The following HFM1 variants were observed in gnomAD, a reference collection of about 807,000 sequenced individuals.
The protein encoded by HFM1 is probable ATP-dependent DNA helicase HFM1.
A neutral mutation model predicts 192.1 loss-of-function variants in HFM1; 169 were observed. The ratio of observed to expected loss-of-function variants is 0.88; its 90% CI spans 0.78 to 1.00. HFM1 has a LOEUF of 1.00. Among genes scored for constraint, HFM1 ranks in the 50% least tolerant of loss-of-function variants. The pLI, the probability that HFM1 is intolerant of heterozygous loss-of-function variation, is 0.00. For synonymous variants in HFM1, 525 were observed against 537.8 expected (o/e 0.98, Z 0.33); for missense variants, 1,661 against 1,668.0 (o/e 1.00, Z 0.07).
intron 30 of HFM1, among the ~76,000 whole-genome samples, chr1:91,312,245 C>T (rs1368456125): frequency 6.6e-6 from 1 of 152,132 alleles, no homozygotes; most frequent in East Asian, 1.9e-4. Flanking sequence ...CACCATCCTC[C>T]AGACCCCCGA....
rs965498732 is a variant in HFM1 at position 91,378,025 on chromosome 1, A to G, written c.1395T>C (p.Asp465=). ...GAGCTCAGTTAAAATTGTAACTCACATCCTCAGCATTTGGAATTGTTGCAG... is the reference window on the plus strand; with the variant it reads ...GAGCTCAGTTAAAATTGTAACTCACGTCCTCAGCATTTGGAATTGTTGCAG... ...AVSATIPNAE[D]IAEWLSDGER... is the part of the protein sequence containing the mutation. Residue 465 remains aspartate, a splice_region_variant and synonymous_variant, in exon 11 of 39, where the codon GAT becomes GAC. Transcript: ENST00000370425. The G allele has an allele frequency of 6.2e-7, 1 of 1,610,332 alleles. No homozygotes were observed. Among genetic ancestry groups the G allele is most frequent in the Admixed American group, 1.7e-5 (1 of 59,514 alleles).
intron 13 of HFM1, among the ~76,000 whole-genome samples, chr1:91,374,627 A>G (rs1187952025): frequency 6.6e-6 from 1 of 152,150 alleles, no homozygotes; most frequent in Admixed American, 6.6e-5. Context: ...GAGATAATGT[A>G]TAATTAAGAT....
chr1:91,388,478 C>G (rs1662521148), intron 4 of HFM1, among the ~76,000 whole-genome samples: 1 of 152,180 alleles, frequency 6.6e-6, no homozygotes. Flanking sequence ...TTTCCAATGA[C>G]AGTGTCATGA....
At chr1:91,290,587 C>A in intron 30 of HFM1, among the ~76,000 whole-genome samples, 1 of 152,090 alleles carries the variant, frequency 6.6e-6, no homozygotes, top group Non-Finnish European at 1.5e-5. Context: ...CTTAGACTCC[C>A]ACACATTAAT....
At chr1:91,369,331 T>C (rs916997943) in intron 13 of HFM1, among the ~76,000 whole-genome samples, 6 of 152,138 alleles carry the variant, frequency 3.9e-5, no homozygotes, top group Admixed American at 6.5e-5. Flanking sequence ...TATTCCAAAA[T>C]TGACCACATA....
intron 4 of HFM1, 65 bp downstream of exon 4, chr1:91,394,028 C>T: frequency 1.1e-6 from 1 of 907,984 alleles, no homozygotes; most frequent in Non-Finnish European, 1.6e-6. Context: ...ATATTTAATA[C>T]TTTTATATGT....
chr1:91,289,637 A>G (rs897875546), intron 30 of HFM1, among the ~76,000 whole-genome samples: 2 of 152,180 alleles, frequency 1.3e-5, no homozygotes, highest in South Asian at 2.1e-4. Context: ...AGGCTGGCAG[A>G]ACACTCGCAG....
chr1:91,315,775 G>T, intron 28 of HFM1, 40 bp downstream of exon 28: 7 of 1,506,562 alleles, frequency 4.6e-6, no homozygotes, highest in South Asian at 3.9e-5. Context: ...TACAGTATAT[G>T]CTTAGAAATA....
intron 20 of HFM1, among the ~76,000 whole-genome samples, chr1:91,336,210 A>G (rs1654550202): frequency 7.0e-6 from 1 of 142,754 alleles, no homozygotes; most frequent in South Asian, 2.3e-4. Context: ...GCTAAGATCT[A>G]TCTCTATCTC....
intron 30 of HFM1, among the ~76,000 whole-genome samples, chr1:91,284,297 G>T (rs1218809385): frequency 6.6e-6 from 1 of 151,550 alleles, no homozygotes; most frequent in Non-Finnish European, 1.5e-5. Context: ...AGGCTGGAGT[G>T]CAGTGGTGCA....
chr1:91,297,586 G>A (rs1035579136), intron 30 of HFM1, among the ~76,000 whole-genome samples: 6 of 152,298 alleles, frequency 3.9e-5, no homozygotes, highest in Middle Eastern at 3.4e-3. Flanking sequence ...ACCCCTCTGA[G>A]ACAAAACTTC....
chr1:91,384,350 C>T (rs1382523727), intron 6 of HFM1, among the ~76,000 whole-genome samples: 3 of 152,114 alleles, frequency 2.0e-5, no homozygotes, highest in African/African-American at 7.2e-5. Flanking sequence ...CTATCATAGG[C>T]ATACACAGGG....
chr1:91,357,684 T>G (rs114333688), intron 13 of HFM1, among the ~76,000 whole-genome samples: 2,724 of 152,264 alleles, frequency 0.018, 38 homozygotes, highest in Non-Finnish European at 0.029. Flanking sequence ...GCAGACAACA[T>G]TATCTTACAT....
At position 91,364,632 on chromosome 1, in the gene HFM1, ATTTT is replaced by A. The variant is rs61550398; in HGVS notation, c.1685+10722_1685+10725del. On this transcript the variant is annotated intron_variant, in intron 13 of 38. Transcript: ENST00000370425. ...CATATATATATATATATATATATAT[ATTTT>A]TTTTTTTTTTTTGAGACAGAGTCTT... Among the ~76,000 whole-genome samples the A allele has an allele frequency of 3.3e-4, 22 of 66,788 alleles. 1 individual carries two copies. The highest frequency in any genetic ancestry group is 1.3e-3 in the African/African-American group (21 of 15,570). The allele number at this position is 66,788 out of a possible 152,430, so 43.8% of individuals were successfully genotyped here. A position where few individuals can be genotyped will look rare whatever the true frequency, so the allele number is the denominator to read the frequency against.
At chr1:91,324,597 T>A in intron 21 of HFM1, 78 bp downstream of exon 21, 2 of 695,342 alleles carry the variant, frequency 2.9e-6, no homozygotes, top group Non-Finnish European at 5.1e-6. Context: ...TTATATGAGA[T>A]ACACAAATTA....
At chr1:91,336,643 T>A (rs1654611106) in intron 20 of HFM1, among the ~76,000 whole-genome samples, 1 of 152,182 alleles carries the variant, frequency 6.6e-6, no homozygotes, top group Admixed American at 6.5e-5. Flanking sequence ...GGAGTGTAAA[T>A]AAGTTCAACC....
rs941670598 is a variant in HFM1, at chr1:91,319,130, C to G, written c.2760G>C (p.Arg920Ser). The change falls in exon 25 of 39, where the codon AGG (arginine) becomes AGC (serine). Residue 920 changes from arginine to serine, a missense_variant. Coordinates refer to ENST00000370425, the MANE Select transcript of HFM1 (RefSeq NM_001017975.6). ...GCAGAGAGTTTTCCCAAAGTTTACA[C>G]CTAAAACATTTAGCTAAAATCAAAC... ...LNSLILAKCFRCKLWENSLHV... is the reference protein window; with the variant it reads ...LNSLILAKCFSCKLWENSLHV... 3 of 1,611,138 alleles carry G rather than the reference C, an allele frequency of 1.9e-6. No homozygotes were observed. The African/African-American group carries it at 4.0e-5, about 22-fold the overall frequency.
chr1:91,378,952 C>A, intron 9 of HFM1, 111 bp downstream of exon 9: 1 of 590,060 alleles, frequency 1.7e-6, no homozygotes, highest in South Asian at 3.2e-5. Flanking sequence ...TGTTTGTTTG[C>A]ATTGTAAATA....
intron 30 of HFM1, among the ~76,000 whole-genome samples, chr1:91,301,160 T>A (rs1393382634): frequency 6.6e-6 from 1 of 151,888 alleles, no homozygotes; most frequent in Non-Finnish European, 1.5e-5. Context: ...CAGAGCCAAA[T>A]CATGAGTGAA....
Sources: gnomAD v4.1 joint callset for allele counts (sites outside exome capture counted in the v4.1 genomes callset) on GRCh38, gnomAD v4.1.1 for gene constraint, MANE v1.5 for transcripts, NCBI Gene and HGNC (gene_info 2026-07-23, HGNC 2026-07-21) for gene names.